The following ABCC8 variants were observed in gnomAD, a reference collection of about 807,000 sequenced individuals.
ABCC8 encodes ATP binding cassette subfamily C member 8.
In ABCC8, 137 loss-of-function variants were observed where a neutral mutation model predicts 188.0. That is an observed-to-expected ratio of 0.73 (90% confidence interval 0.63 to 0.84). The LOEUF is 0.84. Ranked by LOEUF, ABCC8 falls within the 40% of genes least tolerant of loss-of-function variation. The pLI is 0.00. For missense variants in ABCC8, 1,750 were observed against 2,072.7 expected, an observed-to-expected ratio of 0.84 and a Z score of 3.02; for synonymous variants, 797 against 846.5, an observed-to-expected ratio of 0.94 and a Z score of 1.01.
At chr11:17,472,403 A>G (rs992623738) in intron 2 of ABCC8, among the ~76,000 whole-genome samples, 7 of 152,154 alleles carry the variant, frequency 4.6e-5, no homozygotes, top group African/African-American at 1.7e-4. Flanking sequence ...ATAATACCCA[A>G]AGGAAGAGGG....
chr11:17,434,400 A>G (rs1377546914), intron 10 of ABCC8, among the ~76,000 whole-genome samples: 1 of 152,306 alleles, frequency 6.6e-6, no homozygotes, highest in East Asian at 1.9e-4. Flanking sequence ...TGATCCTATA[A>G]TCCGTCTCCA....
At chr11:17,453,091 C>A (rs761069814) in intron 7 of ABCC8, 28 bp downstream of exon 7, 1 of 1,580,188 alleles carries the variant, frequency 6.3e-7, no homozygotes. Flanking sequence ...GTTCTTATGG[C>A]AAAGTGAAAA....
chr11:17,459,139 T>G (rs893859937), intron 6 of ABCC8, among the ~76,000 whole-genome samples: 3 of 152,224 alleles, frequency 2.0e-5, no homozygotes, highest in African/African-American at 7.2e-5. Context: ...CTTTCTCATC[T>G]GTAAAATGGG....
At chr11:17,412,879 A>C in intron 20 of ABCC8, 133 bp from the exon 21 acceptor site, 1 of 1,519,926 alleles carries the variant, frequency 6.6e-7, no homozygotes, top group East Asian at 2.5e-5. Context: ...CTCACCTTGC[A>C]TAGAGAAGGA....
intron 10 of ABCC8, chr11:17,436,326 A>G: frequency 2.8e-6 from 1 of 355,416 alleles, no homozygotes; most frequent in Non-Finnish European, 5.4e-6. Context: ...TCTGGGCACA[A>G]TAGTCAGTCC....
intron 29 of ABCC8, among the ~76,000 whole-genome samples, chr11:17,401,860 GT>G (rs5789987): frequency 0.24 from 37,192 of 152,056 alleles, 5,362 homozygotes; most frequent in East Asian, 0.55. Context: ...GGGCACTGAA[GT>G]TTTCAGGAAT....
At position 17,406,873 on chromosome 11, in the gene ABCC8, G is replaced by C; in HGVS notation, c.3162+15C>G. On this transcript the variant is annotated intron_variant, in intron 25 of 38. Coordinates refer to ENST00000389817, the MANE Select transcript of ABCC8 (RefSeq NM_000352.6). ...ATCCCCACTCCCAACCTCTGCCATG[G>C]GCCGCCAGTCACACCTGGCTGAGGG... 1 of 1,614,098 alleles carries C rather than the reference G, an allele frequency of 6.2e-7. No homozygotes were observed. Among genetic ancestry groups the C allele is most frequent in the South Asian group, 1.1e-5 (1 of 91,080 alleles).
intron 3 of ABCC8, 90 bp downstream of exon 3, chr11:17,470,011 G>C (rs1275327551): frequency 4.4e-5 from 67 of 1,507,902 alleles, no homozygotes; most frequent in Non-Finnish European, 6.0e-5. Context: ...CTACTGTTTA[G>C]AGCAATAGCT....
At chr11:17,394,457 G>A (rs1953800633) in intron 36 of ABCC8, 58 bp from the exon 37 acceptor site, 5 of 1,612,940 alleles carry the variant, frequency 3.1e-6, no homozygotes, top group Non-Finnish European at 4.2e-6. Context: ...TGTGAGTGGA[G>A]CAGATGGGAT....
In ABCC8 at chr11:17,412,829, T is replaced by G. The variant is rs999954891; in HGVS notation, c.2476-83A>C. ...GTACCCTACTGGACTATGAGCTCTT[T>G]GGGATGGAGGCCTGGCTCTATCCAC... On this transcript the variant is annotated intron_variant, in intron 20 of 38. Coordinates refer to ENST00000389817, the MANE Select transcript of ABCC8 (RefSeq NM_000352.6). 1.9e-6 allele frequency: 3 copies of G among 1,552,220 alleles called. No individual in the cohort carries two copies. In the African/African-American group the frequency reaches 4.1e-5, roughly 21 times the overall value.
intron 33 of ABCC8, chr11:17,396,342 T>G: frequency 2.9e-6 from 1 of 345,952 alleles, no homozygotes; most frequent in Non-Finnish European, 5.5e-6. Flanking sequence ...TCCCGTTGCT[T>G]CCTGGCACTT....
In ABCC8 at chr11:17,448,688, A is replaced by G. The variant is rs1458450332; in HGVS notation, c.1177-17T>C. The G allele has an allele frequency of 1.2e-6, 2 of 1,614,144 alleles. No individual in the cohort carries two copies. Among genetic ancestry groups the G allele is most frequent in the South Asian group, 1.1e-5 (1 of 91,086 alleles). On this transcript the variant is annotated splice_polypyrimidine_tract_variant and intron_variant, in intron 7 of 38. Coordinates refer to ENST00000389817, the MANE Select transcript of ABCC8 (RefSeq NM_000352.6). ...AATCTTGGTCTAGAAATGAGAGCAG[A>G]GTGTTTCACATTCATCATCATTCTC...
At chr11:17,432,445 C>T in intron 10 of ABCC8, 1 of 1,142,794 alleles carries the variant, frequency 8.8e-7, no homozygotes, top group Non-Finnish European at 1.2e-6. Flanking sequence ...TCCCAGGTAC[C>T]CCGGCCCCCG....
Position 17,415,357 on chromosome 11 carries a change from A to G in ABCC8, c.2256-18T>C, listed in dbSNP as rs1204368601. ...GCTCTGGGCTGCAGCAGGGGAGGAA[A>G]GGCATACTGAGCTCTCATGGGAGTG... On this transcript the variant is annotated intron_variant, in intron 17 of 38. Coordinates refer to ENST00000389817, the MANE Select transcript of ABCC8 (RefSeq NM_000352.6). 1 of 1,608,712 alleles carries G rather than the reference A, an allele frequency of 6.2e-7. No individual in the cohort carries two copies. The highest frequency in any genetic ancestry group is 1.7e-5 in the Admixed American group (1 of 59,218).
In ABCC8 at chr11:17,453,302, C is replaced by A. The variant is rs764824272; in HGVS notation, c.1012-19G>T. On this transcript the variant is annotated intron_variant, in intron 6 of 38. Transcript: ENST00000389817. ...ATTGTGTCTGTTGGAAAGAGAAGTTCAGAGGTGACTGTCATTGCCAGCAAA... is the reference window on the plus strand; with the variant it reads ...ATTGTGTCTGTTGGAAAGAGAAGTTAAGAGGTGACTGTCATTGCCAGCAAA... 10 of 1,613,724 alleles carry A rather than the reference C, an allele frequency of 6.2e-6. No homozygotes were observed. The highest frequency in any genetic ancestry group is 7.6e-6 in the Non-Finnish European group (9 of 1,179,874).
downstream of ABCC8, chr11:17,392,698 C>T: frequency 2.2e-6 from 1 of 450,230 alleles, no homozygotes. Flanking sequence ...AGAAAAAAGT[C>T]TGTTTTAAAG....
chr11:17,420,786 A>T (rs1015717603), intron 16 of ABCC8, among the ~76,000 whole-genome samples: 1 of 152,184 alleles, frequency 6.6e-6, no homozygotes, highest in Non-Finnish European at 1.5e-5. Flanking sequence ...TCTACTGTGG[A>T]TATTAATGGC....
In ABCC8 at chr11:17,462,250, T is replaced by C. The variant is rs375686200; in HGVS notation, c.580-425A>G. On this transcript the variant is annotated intron_variant, in intron 4 of 38. Coordinates refer to ENST00000389817, the MANE Select transcript of ABCC8 (RefSeq NM_000352.6). ...GTTTTTGGACAAGCCTCATCTAAAA[T>C]GTTTCCTCATCTATAAAGGGGATGG... Among the ~76,000 whole-genome samples, 81 of 152,324 alleles carry C rather than the reference T, an allele frequency of 5.3e-4. 1 individual carries two copies. Among genetic ancestry groups the C allele is most frequent in the Admixed American group, 6.5e-4 (10 of 15,304 alleles).
intron 26 of ABCC8, among the ~76,000 whole-genome samples, chr11:17,406,126 G>C (rs1954508087): frequency 6.6e-6 from 1 of 152,226 alleles, no homozygotes; most frequent in Admixed American, 6.5e-5. Context: ...AAGCCAAGTT[G>C]GCCAACCAAT....
Sources: allele counts gnomAD v4.1 joint callset (sites outside exome capture counted in the v4.1 genomes callset), GRCh38; gene constraint gnomAD v4.1.1; transcripts MANE v1.5; gene names NCBI Gene and HGNC (gene_info 2026-07-23, HGNC 2026-07-21).